The following ERICH1 variants were observed in gnomAD, a reference collection of about 807,000 sequenced individuals.
ERICH1 encodes the protein glutamate rich 1.
Under a neutral mutation model 39.6 loss-of-function variants are expected in ERICH1, and 56 were observed. The ratio of observed to expected loss-of-function variants is 1.41; its 90% CI spans 1.14 to 1.77. ERICH1 has a LOEUF of 1.77. Among genes scored for constraint, ERICH1 ranks in the 40% most tolerant of loss-of-function variants. ERICH1 has a pLI of 0.00. For missense variants in ERICH1, 826 were observed against 575.4 expected (o/e 1.44, Z -4.45); for synonymous variants, 313 against 223.6 (o/e 1.40, Z -3.57).
At chr8:636,690 C>A (rs1279065237) in intron 3 of ERICH1, among the ~76,000 whole-genome samples, 2 of 152,260 alleles carry the variant, frequency 1.3e-5, no homozygotes, top group Non-Finnish European at 2.9e-5. Context: ...GCTGCAGTGG[C>A]TGTGCAGCCT....
At chr8:726,116 C>G (rs1180077097) in intron 1 of ERICH1, among the ~76,000 whole-genome samples, 9 of 152,298 alleles carry the variant, frequency 5.9e-5, no homozygotes, top group South Asian at 2.1e-4. Context: ...ACAGAGTCAC[C>G]AGGCACCCAA....
intron 3 of ERICH1, among the ~76,000 whole-genome samples, chr8:633,852 T>C (rs949677697): frequency 2.7e-4 from 41 of 152,270 alleles, no homozygotes; most frequent in African/African-American, 9.1e-4. Flanking sequence ...AGGAATGAAA[T>C]TGGCCCCTAC....
At chr8:620,068 C>T (rs905711288) in intron 3 of ERICH1, among the ~76,000 whole-genome samples, 1 of 151,472 alleles carries the variant, frequency 6.6e-6, no homozygotes, top group African/African-American at 2.4e-5. Flanking sequence ...AATCCCAGCA[C>T]TTTGGGAGGC....
chr8:631,261 G>T (rs1584963181), intron 3 of ERICH1, among the ~76,000 whole-genome samples: 3 of 152,346 alleles, frequency 2.0e-5, no homozygotes, highest in South Asian at 2.1e-4. Flanking sequence ...CACTGGTGGT[G>T]CCCAGCCCCC....
chr8:634,968 G>A (rs982156793), intron 3 of ERICH1, among the ~76,000 whole-genome samples: 1 of 152,192 alleles, frequency 6.6e-6, no homozygotes, highest in Non-Finnish European at 1.5e-5. Flanking sequence ...AGGAAGGAGG[G>A]AAAGGGATCA....
intron 1 of ERICH1, among the ~76,000 whole-genome samples, chr8:720,366 C>A (rs939023639): frequency 6.6e-6 from 1 of 152,132 alleles, no homozygotes; most frequent in Non-Finnish European, 1.5e-5. Context: ...ATGCTGGCAC[C>A]GCGCCAGTGT....
At chr8:697,865 C>T (rs1308197255) in intron 2 of ERICH1, among the ~76,000 whole-genome samples, 1 of 152,224 alleles carries the variant, frequency 6.6e-6, no homozygotes, top group African/African-American at 2.4e-5. Context: ...TGGGCTTGAG[C>T]CCCTGGGAGA....
At chr8:713,728 C>G (rs1815293496) in intron 2 of ERICH1, among the ~76,000 whole-genome samples, 1 of 152,174 alleles carries the variant, frequency 6.6e-6, no homozygotes, top group Non-Finnish European at 1.5e-5. Flanking sequence ...GAGGACCTGC[C>G]TGCTGAGATC....
intron 3 of ERICH1, among the ~76,000 whole-genome samples, chr8:624,920 G>A (rs913311981): frequency 3.3e-5 from 5 of 152,092 alleles, no homozygotes; most frequent in African/African-American, 9.6e-5. Context: ...TAGAGACGGG[G>A]TTTCACCGTG....
chr8:619,828 G>C (rs1797168156), intron 3 of ERICH1, among the ~76,000 whole-genome samples: 1 of 152,088 alleles, frequency 6.6e-6, no homozygotes, highest in Non-Finnish European at 1.5e-5. Flanking sequence ...TATTTCACTG[G>C]TATTAGGCTA....
At chr8:623,604 T>A (rs1325695078) in intron 3 of ERICH1, among the ~76,000 whole-genome samples, 1 of 151,642 alleles carries the variant, frequency 6.6e-6, no homozygotes, top group Non-Finnish European at 1.5e-5. Flanking sequence ...ACAATAAAGC[T>A]AATCAGCACA....
At chr8:724,264 G>A (rs1818031829) in intron 1 of ERICH1, among the ~76,000 whole-genome samples, 1 of 152,102 alleles carries the variant, frequency 6.6e-6, no homozygotes, top group African/African-American at 2.4e-5. Flanking sequence ...TGCGTCAGGA[G>A]GATTACTGGA....
Position 731,202 on chromosome 8 carries a change from C to G in ERICH1, c.-41G>C. Reference sequence around the variant, plus strand: ...GGACCTCAGACCACGGCGCGCGGTCCTGAGCTGAGCGCCGTGCCTTCCGGG... The same window carrying G: ...GGACCTCAGACCACGGCGCGCGGTCGTGAGCTGAGCGCCGTGCCTTCCGGG... On this transcript the variant is annotated 5_prime_UTR_variant, in exon 1 of 6. Coordinates refer to ENST00000262109, the MANE Select transcript of ERICH1 (RefSeq NM_207332.3). The G allele has an allele frequency of 6.8e-7, 1 of 1,460,026 alleles. No homozygotes were observed. Among genetic ancestry groups the G allele is most frequent in the Non-Finnish European group, 9.0e-7 (1 of 1,109,650 alleles). The allele number at this position is 1,460,026 out of a possible 1,614,324, so 90.4% of individuals were successfully genotyped here.
intron 3 of ERICH1, among the ~76,000 whole-genome samples, chr8:650,864 G>A (rs962069904): frequency 1.3e-5 from 2 of 152,250 alleles, no homozygotes; most frequent in Non-Finnish European, 2.9e-5. Flanking sequence ...GTCCGACTGA[G>A]AGCCCTGGAG....
chr8:693,212 A>C (rs996968736), intron 2 of ERICH1, among the ~76,000 whole-genome samples: 15 of 152,214 alleles, frequency 9.9e-5, no homozygotes, highest in African/African-American at 3.6e-4. Flanking sequence ...ACAGACACAG[A>C]CATGTACAGA....
intron 3 of ERICH1, among the ~76,000 whole-genome samples, chr8:630,012 AC>A (rs1797884222): frequency 1.5e-5 from 2 of 131,780 alleles, no homozygotes; most frequent in African/African-American, 3.0e-5. Flanking sequence ...ACCCACACAG[AC>A]AAAGCTGACT....
chr8:663,624 A>T (rs1381349569), downstream of ERICH1, among the ~76,000 whole-genome samples: 1 of 152,216 alleles, frequency 6.6e-6, no homozygotes. Flanking sequence ...TGGTGGCCCC[A>T]GCAAACGCAT....
chr8:682,610 T>C (rs1294186795), intron 3 of ERICH1, among the ~76,000 whole-genome samples: 4 of 152,224 alleles, frequency 2.6e-5, no homozygotes, highest in Non-Finnish European at 4.4e-5. Context: ...TATTTATAAT[T>C]GGAGCAGTGC....
intron 4 of ERICH1, chr8:672,205 C>T (rs1482316176): frequency 6.6e-6 from 1 of 152,296 alleles, no homozygotes; most frequent in Non-Finnish European, 1.5e-5. Flanking sequence ...CTGCCCCAAG[C>T]TGCTCGATCA....
Sources: allele counts gnomAD v4.1 joint callset (sites outside exome capture counted in the v4.1 genomes callset), GRCh38; gene constraint gnomAD v4.1.1; transcripts MANE v1.5; gene names NCBI Gene and HGNC (gene_info 2026-07-23, HGNC 2026-07-21).